PDZRN3: variants seen among roughly 807,000 people sequenced by gnomAD.
The protein encoded by PDZRN3 is PDZ domain containing ring finger 3.
In PDZRN3, 38 loss-of-function variants were observed where a neutral mutation model predicts 85.7. That is an observed-to-expected ratio of 0.44 (90% CI 0.34 to 0.58). The LOEUF (loss-of-function observed/expected upper bound fraction) is 0.58. Ranked by LOEUF, PDZRN3 falls within the 20% of genes least tolerant of loss-of-function variation. The pLI, the probability that PDZRN3 is intolerant of heterozygous loss-of-function variation, is 0.01. For missense variants in PDZRN3, 1,629 were observed against 1,506.4 expected (o/e 1.08, Z -1.35); for synonymous variants, 759 against 638.0 (o/e 1.19, Z -2.86).
intron 4 of PDZRN3, chr3:73,401,861 G>A (rs552621048): frequency 9.8e-5 from 15 of 152,296 alleles, no homozygotes; most frequent in African/African-American, 2.9e-4. Context: ...AAACCTTCAC[G>A]TCCTCAAAGG....
At chr3:73,485,066 C>T (rs1468110002) in intron 3 of PDZRN3, among the ~76,000 whole-genome samples, 1 of 152,116 alleles carries the variant, frequency 6.6e-6, no homozygotes, top group Non-Finnish European at 1.5e-5. Flanking sequence ...TTTTATTAGT[C>T]TCAGTTCTCT....
intron 3 of PDZRN3, among the ~76,000 whole-genome samples, chr3:73,466,926 C>T (rs376215551): frequency 1.6e-4 from 25 of 152,150 alleles, no homozygotes; most frequent in African/African-American, 6.0e-4. Flanking sequence ...TTAAGTGATG[C>T]ATCATTTCAT....
At position 73,465,060 on chromosome 3, in the gene PDZRN3, T is replaced by C. The variant is rs142534649; in HGVS notation, c.919-60665A>G. On this transcript the variant is annotated intron_variant, in intron 3 of 9. Transcript: ENST00000263666. ...GAATACCTGTGATCACAAGTTTCTG[T>C]TGCTAAGTTGTCTCTAGGTTGCTTA... Among the ~76,000 whole-genome samples the C allele has an allele frequency of 5.7e-3, 871 of 152,358 alleles. 12 individuals carry two copies. The highest frequency in any genetic ancestry group is 0.02 in the African/African-American group (828 of 41,586).
intron 3 of PDZRN3, among the ~76,000 whole-genome samples, chr3:73,585,580 C>T (rs1702265503): frequency 6.6e-6 from 1 of 152,194 alleles, no homozygotes; most frequent in South Asian, 2.1e-4. Flanking sequence ...CAGAAACCCT[C>T]AGAAAGTTCC....
chr3:73,496,122 T>C (rs1703861148), intron 3 of PDZRN3, among the ~76,000 whole-genome samples: 2 of 152,098 alleles, frequency 1.3e-5, no homozygotes, highest in African/African-American at 4.8e-5. Context: ...ATGGACTTCA[T>C]TTATTTTTAA....
At chr3:73,436,016 G>T (rs1559678651) in intron 3 of PDZRN3, among the ~76,000 whole-genome samples, 1 of 151,992 alleles carries the variant, frequency 6.6e-6, no homozygotes, top group Admixed American at 6.6e-5. Context: ...GCCTCTGCAG[G>T]TCTCTCTGCT....
At position 73,383,839 on chromosome 3, in the gene PDZRN3, C is replaced by G. The variant is rs768239993; in HGVS notation, c.2727G>C (p.Leu909=). The change falls in exon 10 of 10, where the codon CTG becomes CTC. Residue 909 remains leucine (L), a synonymous_variant. Transcript: ENST00000263666. ...GCGGCTCCGACGGGGTGGGAGAGCT[C>G]AGGTCCTTGCACATGCTCACCAGGC... ...QMSLVSMCKD[L]SSPTPSEPRM... 1 of 1,613,854 alleles carries G rather than the reference C, an allele frequency of 6.2e-7. No individual in the cohort carries two copies. Among genetic ancestry groups the G allele is most frequent in the Admixed American group, 1.7e-5 (1 of 60,030 alleles).
At chr3:73,513,278 A>G (rs571611922) in intron 3 of PDZRN3, among the ~76,000 whole-genome samples, 1 of 152,360 alleles carries the variant, frequency 6.6e-6, no homozygotes, top group South Asian at 2.1e-4. Flanking sequence ...ATAATTAAAA[A>G]TTCATCAACT....
At chr3:73,565,662 G>C (rs1378292844) in intron 3 of PDZRN3, among the ~76,000 whole-genome samples, 2 of 152,080 alleles carry the variant, frequency 1.3e-5, no homozygotes, top group African/African-American at 4.8e-5. Flanking sequence ...CAGGGGCCGG[G>C]CGCGGTGACT....
intron 2 of PDZRN3, among the ~76,000 whole-genome samples, chr3:73,604,186 CCT>C (rs1702559641): frequency 1.3e-5 from 2 of 152,190 alleles, no homozygotes; most frequent in African/African-American, 4.8e-5. Flanking sequence ...GTGCCTCCTT[CCT>C]CTCTCACGGC....
chr3:73,602,675 C>T lies in PDZRN3; in HGVS notation c.811-214G>A, dbSNP rs183313595. 2.6e-3 allele frequency among the ~76,000 whole-genome samples: 389 copies of T among 152,328 alleles called. 1 individual carries two copies. Among genetic ancestry groups the T allele is most frequent in the Non-Finnish European group, 4.7e-3 (319 of 68,024 alleles). The stretch of plus-strand genomic sequence containing the variant: ...CCAAAGGACATAAAATGATGCATCC[C>T]TGCCATCTCCAACCCATTGTCCTTC... On this transcript the variant is annotated intron_variant, in intron 2 of 9. Coordinates refer to ENST00000263666, the MANE Select transcript of PDZRN3 (RefSeq NM_015009.3).
chr3:73,439,519 A>T (rs6549540), intron 3 of PDZRN3, among the ~76,000 whole-genome samples: 1 of 152,024 alleles, frequency 6.6e-6, no homozygotes, highest in African/African-American at 2.4e-5. Flanking sequence ...AGCTTGTCTG[A>T]ACCCTATTTA....
chr3:73,474,530 C>T (rs910622507), intron 3 of PDZRN3: 2 of 1,286,986 alleles, frequency 1.6e-6, no homozygotes, highest in Non-Finnish European at 2.0e-6. Flanking sequence ...TCTTGTGTTC[C>T]ATCTTCATTT....
intron 3 of PDZRN3, among the ~76,000 whole-genome samples, chr3:73,565,911 C>T (rs372057481): frequency 1.5e-3 from 233 of 152,046 alleles, no homozygotes; most frequent in African/African-American, 4.2e-3. Flanking sequence ...CAAACCAATT[C>T]CTGAGGCTTA....
intron 5 of PDZRN3, among the ~76,000 whole-genome samples, chr3:73,396,098 C>A (rs1401254830): frequency 3.3e-5 from 5 of 152,180 alleles, no homozygotes; most frequent in Admixed American, 3.3e-4. Context: ...TGGCACATAC[C>A]TGTAATCCCA....
chr3:73,462,414 G>A (rs1393484493), intron 3 of PDZRN3, among the ~76,000 whole-genome samples: 1 of 151,922 alleles, frequency 6.6e-6, no homozygotes, highest in Non-Finnish European at 1.5e-5. Flanking sequence ...GCGTGGTGGT[G>A]GGCCCCTGTA....
At chr3:73,569,857 C>T (rs778872808) in intron 3 of PDZRN3, among the ~76,000 whole-genome samples, 1 of 152,206 alleles carries the variant, frequency 6.6e-6, no homozygotes, top group African/African-American at 2.4e-5. Flanking sequence ...CTCTTAAACA[C>T]TGTGCCTTGG....
intron 1 of PDZRN3, among the ~76,000 whole-genome samples, chr3:73,622,203 T>A (rs1702875974): frequency 6.6e-6 from 1 of 152,146 alleles, no homozygotes; most frequent in Non-Finnish European, 1.5e-5. Context: ...GGGCAAGCTG[T>A]GGAGCTGTAA....
At chr3:73,540,088 A>T (rs1295664418) in intron 3 of PDZRN3, among the ~76,000 whole-genome samples, 5 of 17,428 alleles carry the variant, frequency 2.9e-4, no homozygotes, top group African/African-American at 2.0e-3. Context: ...CTGTTGGATG[A>T]AAAAAAAAAA....
Sources: gnomAD v4.1 joint callset for allele counts (sites outside exome capture counted in the v4.1 genomes callset) on GRCh38, gnomAD v4.1.1 for gene constraint, MANE v1.5 for transcripts, NCBI Gene and HGNC (gene_info 2026-07-23, HGNC 2026-07-21) for gene names.